Variants in SCN8A observed in about 807,000 individuals in gnomAD.
SCN8A encodes the protein sodium voltage-gated channel alpha subunit 8, also known as sodium channel protein type 8 subunit alpha.
Under a neutral mutation model 184.1 loss-of-function variants are expected in SCN8A, and 30 were observed. That is an observed-to-expected ratio of 0.16 (90% confidence interval 0.12 to 0.22). The LOEUF (loss-of-function observed/expected upper bound fraction) is 0.22. SCN8A is among the 10% of genes least tolerant of loss of function. The pLI, the probability that SCN8A is intolerant of heterozygous loss-of-function variation, is 1.00. For synonymous variants in SCN8A, 852 were observed against 907.0 expected (o/e 0.94, Z 1.09); for missense variants, 1,057 against 2,498.9 (o/e 0.42, Z 12.30).
intron 12 of SCN8A, chr12:51,722,210 A>T: frequency 4.2e-6 from 2 of 473,190 alleles, no homozygotes; most frequent in Admixed American, 3.9e-5. Context: ...TCCCCTATCA[A>T]CTCCTTCCTT....
intron 22 of SCN8A, among the ~76,000 whole-genome samples, chr12:51,788,102 A>G (rs113674405): frequency 2.0e-5 from 3 of 152,214 alleles, no homozygotes; most frequent in Non-Finnish European, 4.4e-5. Context: ...GATTATCCAT[A>G]TTTGTTTCCA....
At chr12:51,639,878 G>GTTTTTT (rs1565869570) in intron 1 of SCN8A, among the ~76,000 whole-genome samples, 1 of 18,784 alleles carries the variant, frequency 5.3e-5, no homozygotes, top group Non-Finnish European at 1.2e-4. Context: ...TAAGGTATAT[G>GTTTTTT]CTTTTTTTTT....
intron 2 of SCN8A, among the ~76,000 whole-genome samples, chr12:51,679,721 CTTTTTT>C (rs34564079): frequency 1.9e-4 from 16 of 85,506 alleles, no homozygotes; most frequent in African/African-American, 6.4e-4. Flanking sequence ...ACTATCTTGC[CTTTTTT>C]TTTTTTTTTT....
intron 11 of SCN8A, among the ~76,000 whole-genome samples, chr12:51,717,997 G>A (rs1045463972): frequency 1.4e-4 from 21 of 152,284 alleles, no homozygotes; most frequent in African/African-American, 5.1e-4. Flanking sequence ...GAAAGATACA[G>A]GTGAGAGCAT....
intron 2 of SCN8A, among the ~76,000 whole-genome samples, chr12:51,668,533 G>C (rs1248630006): frequency 1.3e-5 from 2 of 152,136 alleles, no homozygotes; most frequent in African/African-American, 4.8e-5. Context: ...CAGGGAAATA[G>C]AAGAAAAATA....
At chr12:51,641,432 A>T (rs1179187333) in intron 1 of SCN8A, among the ~76,000 whole-genome samples, 1 of 152,186 alleles carries the variant, frequency 6.6e-6, no homozygotes, top group East Asian at 1.9e-4. Flanking sequence ...ACCATACTGT[A>T]CAGAAAAAGC....
chr12:51,781,533 C>T (rs182177093), intron 21 of SCN8A, among the ~76,000 whole-genome samples: 1 of 152,270 alleles, frequency 6.6e-6, no homozygotes, highest in African/African-American at 2.4e-5. Flanking sequence ...TTTGGTGATA[C>T]TCCACCCAAA....
At chr12:51,650,501 G>T (rs895419887) in intron 1 of SCN8A, among the ~76,000 whole-genome samples, 1 of 142,472 alleles carries the variant, frequency 7.0e-6, no homozygotes, top group African/African-American at 2.6e-5. Context: ...GAGGCAAAAG[G>T]CACTCTTTTT....
intron 1 of SCN8A, among the ~76,000 whole-genome samples, chr12:51,642,161 C>T (rs558158525): frequency 1.3e-5 from 2 of 152,268 alleles, no homozygotes; most frequent in Admixed American, 1.3e-4. Context: ...TTTCCACTTT[C>T]TCTTCCTACC....
chr12:51,784,425 C>T (rs559207040), intron 21 of SCN8A, among the ~76,000 whole-genome samples: 11 of 152,120 alleles, frequency 7.2e-5, no homozygotes, highest in African/African-American at 2.4e-4. Context: ...CACGGTAGCA[C>T]GCACCTGTAG....
chr12:51,624,117 G>T lies in SCN8A; in HGVS notation c.-55+32758G>T, dbSNP rs1200121978. Among the ~76,000 whole-genome samples the T allele has an allele frequency of 2.0e-5, 3 of 152,308 alleles. No individual in the cohort carries two copies. In the East Asian group the frequency reaches 5.8e-4, roughly 29 times the overall value. On this transcript the variant is annotated intron_variant, in intron 1 of 26. Transcript: ENST00000627620. Reference sequence around the variant, plus strand: ...AGCAGCATGATTTATAGTCCTTTGGGTATATACCCAGTAATGGGATTGCTG... The same window carrying T: ...AGCAGCATGATTTATAGTCCTTTGGTTATATACCCAGTAATGGGATTGCTG...
At position 51,792,887 on chromosome 12, in the gene SCN8A, C is replaced by T. The variant is rs533974622; in HGVS notation, c.4525-1484C>T. On this transcript the variant is annotated intron_variant, in intron 25 of 26. Coordinates refer to ENST00000627620, the MANE Select transcript of SCN8A (RefSeq NM_001330260.2). The stretch of plus-strand genomic sequence containing the variant: ...CCTCCCGAGTAGCTGGGACCACAGG[C>T]GCCTGCCACCATGCCCGGCTAATTT... Among the ~76,000 whole-genome samples the T allele has an allele frequency of 2.0e-3, 305 of 152,158 alleles. 2 individuals carry two copies. Among genetic ancestry groups the T allele is most frequent in the African/African-American group, 6.9e-3 (286 of 41,474 alleles).
chr12:51,721,614 C>G lies in SCN8A; in HGVS notation c.1704C>G (p.Phe568Leu). ...RHNSKSSIFS[F>L]RGPGRFRDPG... Reference sequence around the variant, plus strand: ...ACAGCAAGAGCAGCATCTTCAGTTTCAGGGGACCTGGGCGGTTCCGAGACC... The same window carrying G: ...ACAGCAAGAGCAGCATCTTCAGTTTGAGGGGACCTGGGCGGTTCCGAGACC... The change falls in exon 12 of 27, where the codon TTC (phenylalanine) becomes TTG (leucine). Residue 568 changes from phenylalanine (F) to leucine (L), a missense_variant. Coordinates refer to ENST00000627620, the MANE Select transcript of SCN8A (RefSeq NM_001330260.2). 6.2e-7 allele frequency: 1 copy of G among 1,613,264 alleles called. No individual in the cohort carries two copies. The highest frequency in any genetic ancestry group is 8.5e-7 in the Non-Finnish European group (1 of 1,179,618).
chr12:51,668,382 C>T (rs930474379), intron 2 of SCN8A, among the ~76,000 whole-genome samples: 1 of 152,152 alleles, frequency 6.6e-6, no homozygotes, highest in African/African-American at 2.4e-5. Flanking sequence ...AAAGCCCACA[C>T]CACTGTTGGT....
At chr12:51,684,349 C>A in intron 3 of SCN8A, 57 bp downstream of exon 3, 3 of 855,294 alleles carry the variant, frequency 3.5e-6, no homozygotes, top group Non-Finnish European at 6.1e-6. Flanking sequence ...GCTTGTTTAC[C>A]TTTCCAATAT....
chr12:51,748,873 G>A (rs1592141646), intron 13 of SCN8A, among the ~76,000 whole-genome samples: 1 of 152,130 alleles, frequency 6.6e-6, no homozygotes, highest in South Asian at 2.1e-4. Context: ...TGAGTTGAGG[G>A]AAGCTCCTGC....
chr12:51,731,687 A>G (rs1565903402), intron 12 of SCN8A, among the ~76,000 whole-genome samples: 1 of 152,152 alleles, frequency 6.6e-6, no homozygotes, highest in Non-Finnish European at 1.5e-5. Flanking sequence ...ATTCCCACCA[A>G]GAGTGTACAA....
intron 6 of SCN8A, 45 bp from the exon 7 acceptor site, chr12:51,699,525 G>A (rs1282522167): frequency 1.4e-5 from 21 of 1,501,140 alleles, no homozygotes; most frequent in Non-Finnish European, 1.8e-5. Flanking sequence ...GGGAGGTGGG[G>A]AGGGCTTTGA....
chr12:51,756,798 C>T (rs1942681874), intron 14 of SCN8A, among the ~76,000 whole-genome samples: 1 of 152,198 alleles, frequency 6.6e-6, no homozygotes, highest in South Asian at 2.1e-4. Flanking sequence ...CCGGCATGCC[C>T]ACCTACAGCC....
Sources: gnomAD v4.1 joint callset for allele counts (sites outside exome capture counted in the v4.1 genomes callset) on GRCh38, gnomAD v4.1.1 for gene constraint, MANE v1.5 for transcripts, NCBI Gene and HGNC (gene_info 2026-07-23, HGNC 2026-07-21) for gene names.